Variants in ABCG8 observed in about 807,000 individuals in gnomAD.
The protein encoded by ABCG8 is ATP-binding cassette sub-family G member 8.
Under a neutral mutation model 71.3 loss-of-function variants are expected in ABCG8, and 81 were observed. That is an observed-to-expected ratio of 1.14 (90% CI 0.95 to 1.37). The LOEUF (loss-of-function observed/expected upper bound fraction) is 1.37, where lower values mean the gene tolerates loss of function less well. ABCG8 is among the 40% of genes most tolerant of loss of function. The probability of loss-of-function intolerance (pLI) is 0.00; values close to 1 mark genes in which losing one functional copy is unlikely to be tolerated. For synonymous variants in ABCG8, 451 were observed against 354.7 expected (o/e 1.27, Z -3.05); for missense variants, 1,119 against 866.2 (o/e 1.29, Z -3.66).
chr2:43,839,251 T>TGCG, intron 1 of ABCG8, 135 bp downstream of exon 1: 1 of 980,804 alleles, frequency 1.0e-6, no homozygotes, highest in Non-Finnish European at 1.6e-6. Context: ...GCCGCAGGAC[T>TGCG]GTTTCCTGCA....
intron 5 of ABCG8, 41 bp from the exon 6 acceptor site, chr2:43,852,558 G>T (rs779582139): frequency 1.2e-6 from 2 of 1,614,040 alleles, no homozygotes; most frequent in Admixed American, 1.7e-5. Flanking sequence ...GGTCTGGCCA[G>T]AGCCCCACCG....
At chr2:43,864,276 A>G (rs1267302713) in intron 6 of ABCG8, among the ~76,000 whole-genome samples, 4 of 150,828 alleles carry the variant, frequency 2.7e-5, no homozygotes, top group African/African-American at 9.7e-5. Flanking sequence ...CTCACTATCT[A>G]TTTTCATAGA....
chr2:43,867,912 T>A (rs1476192177), intron 6 of ABCG8, among the ~76,000 whole-genome samples: 1 of 151,612 alleles, frequency 6.6e-6, no homozygotes, highest in Non-Finnish European at 1.5e-5. Flanking sequence ...GAATTCTGAC[T>A]CGCTGGATAA....
In ABCG8 at chr2:43,878,018, C is replaced by CAGAT; in HGVS notation, c.*106_*109dup. On this transcript the variant is annotated 3_prime_UTR_variant, in exon 13 of 13. Coordinates refer to ENST00000272286, the MANE Select transcript of ABCG8 (RefSeq NM_022437.3). ...GGGGACAGTGAGGACAATGACCCTA[C>CAGAT]AGATGCTCAGCTACATCCGGCCCAG... 1 of 1,532,872 alleles carries CAGAT rather than the reference C, an allele frequency of 6.5e-7. No homozygotes were observed. Among genetic ancestry groups the CAGAT allele is most frequent in the Non-Finnish European group, 8.9e-7 (1 of 1,119,998 alleles). 95.0% of individuals were successfully genotyped at this position (1,532,872 alleles called of 1,614,324 possible).
At chr2:43,858,617 T>C (rs1445332590) in intron 6 of ABCG8, among the ~76,000 whole-genome samples, 1 of 150,714 alleles carries the variant, frequency 6.6e-6, no homozygotes, top group Non-Finnish European at 1.5e-5. Flanking sequence ...ACTCTCACTA[T>C]CTATCTGGAT....
At chr2:43,846,641 A>T (rs1482077291) in intron 3 of ABCG8, 1 of 369,300 alleles carries the variant, frequency 2.7e-6, no homozygotes, top group Non-Finnish European at 5.3e-6. Context: ...AGACTCCTCC[A>T]GCCATGAGGG....
At position 43,851,479 on chromosome 2, in the gene ABCG8, C is replaced by T. The variant is rs948924730; in HGVS notation, c.323-105C>T. On this transcript the variant is annotated intron_variant, in intron 3 of 12. Coordinates refer to ENST00000272286, the MANE Select transcript of ABCG8 (RefSeq NM_022437.3). ...TCTCTAGGGGCTGGTCACATCTGCACGGACAGAGTAGTCCGGGGTCCTGGA... is the reference window on the plus strand; with the variant it reads ...TCTCTAGGGGCTGGTCACATCTGCATGGACAGAGTAGTCCGGGGTCCTGGA... 7.0e-5 allele frequency: 92 copies of T among 1,317,600 alleles called. No individual in the cohort carries two copies. The African/African-American group carries it at 7.7e-4, about 11-fold the overall frequency. 81.6% of individuals were successfully genotyped at this position (1,317,600 alleles called of 1,614,324 possible). A position where few individuals can be genotyped will look rare whatever the true frequency, so the allele number is the denominator to read the frequency against.
chr2:43,871,184 C>A (rs191622909), intron 6 of ABCG8, among the ~76,000 whole-genome samples: 19 of 151,678 alleles, frequency 1.3e-4, no homozygotes, highest in African/African-American at 4.4e-4. Flanking sequence ...AGAACTCTCC[C>A]CATCTGGATT....
intron 11 of ABCG8, among the ~76,000 whole-genome samples, chr2:43,876,578 CTA>C (rs1669964860): frequency 1.3e-5 from 2 of 150,320 alleles, no homozygotes; most frequent in Admixed American, 6.6e-5. Flanking sequence ...TATGGGGAGA[CTA>C]TGGGAATATG....
chr2:43,867,600 T>G (rs764231882), intron 6 of ABCG8, among the ~76,000 whole-genome samples: 1 of 151,814 alleles, frequency 6.6e-6, no homozygotes, highest in African/African-American at 2.4e-5. Flanking sequence ...TCTCACTGTC[T>G]GGATAGAATT....
rs1244482920 is a variant in ABCG8 at position 43,852,795 on chromosome 2, C to T, written c.891C>T (p.Ala297=). Residue 297 remains alanine (A), a synonymous_variant, in exon 6 of 13, where the codon GCC becomes GCT. Coordinates refer to ENST00000272286, the MANE Select transcript of ABCG8 (RefSeq NM_022437.3). ...GCACCCCCATCTACTTAGGGGCGGC[C>T]CAGCACATGGTCCAGTATTTCACAG... ...TSGTPIYLGA[A]QHMVQYFTAI... 3 of 1,614,008 alleles carry T rather than the reference C, an allele frequency of 1.9e-6. No homozygotes were observed. Among genetic ancestry groups the T allele is most frequent in the Non-Finnish European group, 2.5e-6 (3 of 1,180,026 alleles).
At chr2:43,851,482 A>T in intron 3 of ABCG8, 102 bp from the exon 4 acceptor site, 1 of 1,343,314 alleles carries the variant, frequency 7.4e-7, no homozygotes, top group Admixed American at 1.7e-5. Context: ...ATCTGCACGG[A>T]CAGAGTAGTC....
chr2:43,854,154 G>C (rs557186351), intron 6 of ABCG8, among the ~76,000 whole-genome samples: 1 of 152,300 alleles, frequency 6.6e-6, no homozygotes, highest in South Asian at 2.1e-4. Flanking sequence ...TACTGGAAGG[G>C]GCTCTGGCCT....
At chr2:43,875,472 G>A (rs1669931926) in intron 11 of ABCG8, 59 bp downstream of exon 11, 20 of 1,574,310 alleles carry the variant, frequency 1.3e-5, no homozygotes, top group Non-Finnish European at 1.7e-5. Context: ...ACTGGATGAA[G>A]CCTGCTTTCA....
At chr2:43,872,831 A>C (rs554683889) in intron 8 of ABCG8, among the ~76,000 whole-genome samples, 21 of 152,328 alleles carry the variant, frequency 1.4e-4, no homozygotes, top group African/African-American at 5.1e-4. Context: ...TCGTAGAAAT[A>C]GCATAGGGTC....
chr2:43,853,011 G>C (rs1471493585), intron 6 of ABCG8, 143 bp downstream of exon 6: 1 of 1,124,690 alleles, frequency 8.9e-7, no homozygotes, highest in Non-Finnish European at 1.3e-6. Context: ...GGAAGAACAT[G>C]GGGTGGTTTG....
In ABCG8 at chr2:43,852,337, C is replaced by G; in HGVS notation, c.562-17C>G. ...GGAGGCCCCTGAGGTGGCCTCAAAGCTCCTTCTGGCCCACAGGTGGAGGAC... is the reference window on the plus strand; with the variant it reads ...GGAGGCCCCTGAGGTGGCCTCAAAGGTCCTTCTGGCCCACAGGTGGAGGAC... On this transcript the variant is annotated splice_polypyrimidine_tract_variant and intron_variant, in intron 4 of 12. Coordinates refer to ENST00000272286, the MANE Select transcript of ABCG8 (RefSeq NM_022437.3). 6.2e-7 allele frequency: 1 copy of G among 1,612,090 alleles called. No homozygotes were observed. Among genetic ancestry groups the G allele is most frequent in the Non-Finnish European group, 8.5e-7 (1 of 1,179,958 alleles).
At position 43,881,774 on chromosome 2, in the gene ABCG8, T is replaced by C. The variant is rs1204918029; in HGVS notation, c.*3861T>C. On this transcript the variant is annotated 3_prime_UTR_variant, in exon 13 of 13. Transcript: ENST00000272286. ...GCTGTTCAGCGAGCCCTGCCCTGCA[T>C]TGCGAAAGGGTAGAGATTTGTTTAT... 2 of 151,894 alleles carry C rather than the reference T, an allele frequency of 1.3e-5. No homozygotes were observed. Among genetic ancestry groups the C allele is most frequent in the African/African-American group, 2.4e-5 (1 of 41,342 alleles). 9.4% of individuals were successfully genotyped at this position (151,894 alleles called of 1,614,324 possible).
chr2:43,853,128 G>A (rs1448497376), intron 6 of ABCG8, among the ~76,000 whole-genome samples: 1 of 152,178 alleles, frequency 6.6e-6, no homozygotes, highest in Non-Finnish European at 1.5e-5. Context: ...AAAGATGGGA[G>A]GGCATGGAAT....
Sources: allele counts gnomAD v4.1 joint callset (sites outside exome capture counted in the v4.1 genomes callset), GRCh38; gene constraint gnomAD v4.1.1; transcripts MANE v1.5; gene names NCBI Gene and HGNC (gene_info 2026-07-23, HGNC 2026-07-21).